The following CSNK1A1 variants were observed in gnomAD, a reference collection of about 807,000 sequenced individuals.
The protein encoded by CSNK1A1 is casein kinase 1 alpha 1, also known as casein kinase I isoform alpha.
Under a neutral mutation model 46.1 loss-of-function variants are expected in CSNK1A1, and 7 were observed. The observed-to-expected ratio is 0.15, with a 90% CI of 0.09 to 0.29. CSNK1A1 has a LOEUF of 0.29. Ranked by LOEUF, CSNK1A1 falls within the 10% of genes least tolerant of loss-of-function variation. The pLI, the probability that CSNK1A1 is intolerant of heterozygous loss-of-function variation, is 1.00. For synonymous variants in CSNK1A1, 137 were observed against 141.5 expected, an observed-to-expected ratio of 0.97 and a Z score of 0.23; for missense variants, 96 against 417.1, an observed-to-expected ratio of 0.23 and a Z score of 6.71.
chr5:149,542,636 A>ATACATG (rs1762308216), intron 2 of CSNK1A1, among the ~76,000 whole-genome samples: 2 of 9,782 alleles, frequency 2.0e-4, no homozygotes, highest in African/African-American at 1.3e-3. Context: ...ATATATATAT[A>ATACATG]TATGTATATA....
chr5:149,505,112 A>G (rs879339019), intron 9 of CSNK1A1: 10 of 1,011,036 alleles, frequency 9.9e-6, no homozygotes, highest in Non-Finnish European at 1.1e-5. Context: ...TTGATTGATT[A>G]TATTATATTC....
At chr5:149,497,071 G>A (rs1011690534) in intron 9 of CSNK1A1, 1 of 1,386,992 alleles carries the variant, frequency 7.2e-7, no homozygotes, top group Non-Finnish European at 9.3e-7. Context: ...AATGACTCTA[G>A]GAAGGAGTGG....
chr5:149,503,509 T>G, intron 9 of CSNK1A1: 3 of 985,368 alleles, frequency 3.0e-6, no homozygotes, highest in Non-Finnish European at 3.6e-6. Flanking sequence ...AAAGCCTAAT[T>G]TTTCAAGTCC....
chr5:149,515,323 T>G (rs1761366349), intron 4 of CSNK1A1, among the ~76,000 whole-genome samples: 1 of 152,214 alleles, frequency 6.6e-6, no homozygotes, highest in African/African-American at 2.4e-5. Context: ...CTACATTCAA[T>G]AGCTTCATTT....
chr5:149,525,197 G>A lies in CSNK1A1; in HGVS notation c.231-26C>T. On this transcript the variant is annotated intron_variant, in intron 2 of 9. Transcript: ENST00000377843. This position sits in a 1 kb window ranked among gnomAD's most constrained non-coding sequence, Gnocchi z 4.2. The stretch of plus-strand genomic sequence containing the variant: ...CTAACGAAACAAAAGGAGAAGAGAG[G>A]ATATTACAAAAAGCTATTACTTAAT... 3 of 1,569,808 alleles carry A rather than the reference G, an allele frequency of 1.9e-6. No individual in the cohort carries two copies. The highest frequency in any genetic ancestry group is 1.7e-6 in the Non-Finnish European group (2 of 1,162,526).
In CSNK1A1 at chr5:149,550,775, G is replaced by A; in HGVS notation, c.123+67C>T. Reference sequence around the variant, plus strand: ...GGAGAGGCCCGAGCACTTTGGGGGTGCACGGTGGTGGTGGGGGGAATGAGT... The same window carrying A: ...GGAGAGGCCCGAGCACTTTGGGGGTACACGGTGGTGGTGGGGGGAATGAGT... On this transcript the variant is annotated intron_variant, in intron 1 of 9. Coordinates refer to ENST00000377843, the MANE Select transcript of CSNK1A1 (RefSeq NM_001892.6). The surrounding 1 kb of genome is among the most constrained non-coding windows in gnomAD (Gnocchi z 4.3). 6.2e-7 allele frequency: 1 copy of A among 1,605,836 alleles called. No homozygotes were observed. Among genetic ancestry groups the A allele is most frequent in the Non-Finnish European group, 8.5e-7 (1 of 1,174,794 alleles).
At chr5:149,543,489 T>G (rs1402445302) in intron 2 of CSNK1A1, among the ~76,000 whole-genome samples, 1 of 148,942 alleles carries the variant, frequency 6.7e-6, no homozygotes, top group Non-Finnish European at 1.5e-5. Context: ...TTTTTCTGGT[T>G]TTTTTTTTTT....
At chr5:149,534,343 G>A (rs776146814) in intron 2 of CSNK1A1, among the ~76,000 whole-genome samples, 1 of 151,898 alleles carries the variant, frequency 6.6e-6, no homozygotes, top group African/African-American at 2.4e-5. Context: ...TTAGCTGGGC[G>A]TGGTGGCGCA....
chr5:149,524,000 A>G (rs987061390), intron 3 of CSNK1A1, among the ~76,000 whole-genome samples: 1 of 152,176 alleles, frequency 6.6e-6, no homozygotes, highest in Non-Finnish European at 1.5e-5. Flanking sequence ...CTCAAATACC[A>G]TGTCTGTTTA....
At chr5:149,501,234 T>C (rs949265803) in intron 9 of CSNK1A1, 49 of 985,292 alleles carry the variant, frequency 5.0e-5, no homozygotes, top group Admixed American at 6.1e-5. Flanking sequence ...TGTTGGGTTA[T>C]TTAGATCTTT....
At position 149,525,624 on chromosome 5, in the gene CSNK1A1, A is replaced by G. The variant is rs1289449801; in HGVS notation, c.231-453T>C. ...GTTCCTACCAAATTGCATTTAATCA[A>G]TAATTACTTGTCCTTATTCAAAAAG... On this transcript the variant is annotated intron_variant, in intron 2 of 9. Coordinates refer to ENST00000377843, the MANE Select transcript of CSNK1A1 (RefSeq NM_001892.6). This position sits in a 1 kb window ranked among gnomAD's most constrained non-coding sequence, Gnocchi z 4.2. Among the ~76,000 whole-genome samples the G allele has an allele frequency of 1.3e-5, 2 of 152,232 alleles. No individual in the cohort carries two copies. Among genetic ancestry groups the G allele is most frequent in the South Asian group, 2.1e-4 (1 of 4,834 alleles).
chr5:149,501,774 T>C (rs570709596), intron 9 of CSNK1A1: 1 of 984,002 alleles, frequency 1.0e-6, no homozygotes, highest in East Asian at 1.1e-4. Flanking sequence ...TTCATTAGAT[T>C]TTGAATGTCC....
At chr5:149,530,359 C>G (rs962567119) in intron 2 of CSNK1A1, among the ~76,000 whole-genome samples, 1 of 152,174 alleles carries the variant, frequency 6.6e-6, no homozygotes, top group Non-Finnish European at 1.5e-5. Context: ...CTATTTATCC[C>G]TAGTTCAAAT....
chr5:149,506,296 G>T (rs755054093), intron 8 of CSNK1A1, among the ~76,000 whole-genome samples: 1 of 151,930 alleles, frequency 6.6e-6, no homozygotes, highest in Non-Finnish European at 1.5e-5. Context: ...GAGTGCACTG[G>T]GGGGATCTCA....
At chr5:149,533,753 T>C (rs1014676579) in intron 2 of CSNK1A1, among the ~76,000 whole-genome samples, 7 of 152,042 alleles carry the variant, frequency 4.6e-5, no homozygotes, top group African/African-American at 1.2e-4. Flanking sequence ...AGTGGTGGTA[T>C]TGAGGGACAG....
intron 2 of CSNK1A1, among the ~76,000 whole-genome samples, chr5:149,547,931 C>T (rs1034342851): frequency 1.3e-5 from 2 of 151,596 alleles, no homozygotes; most frequent in Non-Finnish European, 2.9e-5. Context: ...AGTGCAGTGG[C>T]GCCATCTCAG....
rs1279386565 is a variant in CSNK1A1, at chr5:149,551,192, C to A, written c.-228G>T. On this transcript the variant is annotated 5_prime_UTR_variant, in exon 1 of 10. Coordinates refer to ENST00000377843, the MANE Select transcript of CSNK1A1 (RefSeq NM_001892.6). The stretch of plus-strand genomic sequence containing the variant: ...CCGCAGTTTGTGAAGGGCTTCTCGG[C>A]GGTTACCAGGCTGGGCCACTTGTTT... 1.3e-5 allele frequency: 5 copies of A among 398,330 alleles called. No homozygotes were observed. Among genetic ancestry groups the A allele is most frequent in the African/African-American group, 8.3e-5 (4 of 47,964 alleles). The allele number at this position is 398,330 out of a possible 1,614,324, so 24.7% of individuals were successfully genotyped here. A position where few individuals can be genotyped will look rare whatever the true frequency, so the allele number is the denominator to read the frequency against.
chr5:149,501,460 T>C, intron 9 of CSNK1A1: 2 of 985,404 alleles, frequency 2.0e-6, no homozygotes, highest in Non-Finnish European at 2.4e-6. Flanking sequence ...AAAGTCAAAC[T>C]AGACATAAAC....
At chr5:149,498,335 T>A in intron 9 of CSNK1A1, 2 of 985,336 alleles carry the variant, frequency 2.0e-6, no homozygotes, top group Non-Finnish European at 1.2e-6. Context: ...AAATGAAAGA[T>A]AACATAACTT....
Sources: gnomAD v4.1 joint callset for allele counts (sites outside exome capture counted in the v4.1 genomes callset) on GRCh38, gnomAD v4.1.1 for gene constraint, Gnocchi (gnomAD v3.1) non-coding constraint, MANE v1.5 for transcripts, NCBI Gene and HGNC (gene_info 2026-07-23, HGNC 2026-07-21) for gene names.